The following LHFPL2 variants were observed in gnomAD, a reference collection of about 807,000 sequenced individuals.
LHFPL2 encodes the protein LHFPL tetraspan subfamily member 2 protein.
A neutral mutation model predicts 17.5 loss-of-function variants in LHFPL2; 7 were observed. The ratio of observed to expected loss-of-function variants is 0.40; its 90% CI spans 0.23 to 0.75. The LOEUF is 0.75. Among genes scored for constraint, LHFPL2 ranks in the 30% least tolerant of loss-of-function variants. The pLI is 0.37. For synonymous variants in LHFPL2, 134 were observed against 116.2 expected (o/e 1.15, Z -0.99); for missense variants, 241 against 294.8 (o/e 0.82, Z 1.34).
At chr5:78,597,118 C>T (rs1743851429) in intron 2 of LHFPL2, among the ~76,000 whole-genome samples, 1 of 152,170 alleles carries the variant, frequency 6.6e-6, no homozygotes, top group African/African-American at 2.4e-5. Flanking sequence ...TGATCAGCAC[C>T]ACCCTAGGAG....
intron 2 of LHFPL2, among the ~76,000 whole-genome samples, chr5:78,591,871 C>T (rs1278114177): frequency 6.6e-6 from 1 of 152,146 alleles, no homozygotes; most frequent in Admixed American, 6.6e-5. Context: ...AAATAAAGGG[C>T]AGCACATATA....
chr5:78,513,403 C>A (rs980031728), intron 3 of LHFPL2, among the ~76,000 whole-genome samples: 1 of 152,160 alleles, frequency 6.6e-6, no homozygotes, highest in Non-Finnish European at 1.5e-5. Context: ...CACACCCATA[C>A]AAGATTGGCT....
Position 78,648,237 on chromosome 5 carries a change from A to G in LHFPL2, c.-350+262T>C, listed in dbSNP as rs2112537824. On this transcript the variant is annotated intron_variant, in intron 1 of 4. Transcript: ENST00000380345. The surrounding 1 kb of genome is among the most constrained non-coding windows in gnomAD (Gnocchi z 5.4). ...GCTGTTCCCGGCACAACTTTTTTCC[A>G]CTTCTGCGGCCGCCGGCGGCGCTGA... 6.6e-6 allele frequency among the ~76,000 whole-genome samples: 1 copy of G among 151,798 alleles called. No individual in the cohort carries two copies. The highest frequency in any genetic ancestry group is 2.4e-5 in the African/African-American group (1 of 41,408).
intron 3 of LHFPL2, among the ~76,000 whole-genome samples, chr5:78,537,311 A>C (rs1755978640): frequency 6.6e-6 from 1 of 152,084 alleles, no homozygotes; most frequent in Non-Finnish European, 1.5e-5. Flanking sequence ...GCCTCCCTTG[A>C]CCTGCCAAGG....
At chr5:78,643,015 G>C (rs73769042) in intron 1 of LHFPL2, among the ~76,000 whole-genome samples, 5,451 of 151,978 alleles carry the variant, frequency 0.036, 296 homozygotes, top group African/African-American at 0.12. Flanking sequence ...CCATGGAGCT[G>C]TTTCTAAAGT....
chr5:78,562,405 T>C lies in LHFPL2; in HGVS notation c.-186+2408A>G, dbSNP rs145011763. Among the ~76,000 whole-genome samples the C allele has an allele frequency of 4.1e-3, 616 of 152,022 alleles. 4 individuals carry two copies. Among genetic ancestry groups the C allele is most frequent in the African/African-American group, 0.014 (594 of 41,496 alleles). Reference sequence around the variant, plus strand: ...TGCTCAAAACAAACCTTCCACCAAGTTCATATAATGCGACTGACTACATAA... The same window carrying C: ...TGCTCAAAACAAACCTTCCACCAAGCTCATATAATGCGACTGACTACATAA... On this transcript the variant is annotated intron_variant, in intron 3 of 4. Coordinates refer to ENST00000380345, the MANE Select transcript of LHFPL2 (RefSeq NM_005779.3).
At chr5:78,585,483 ACCCACTGACCTGCG>A (rs1216954448) in intron 2 of LHFPL2, among the ~76,000 whole-genome samples, 7 of 152,140 alleles carry the variant, frequency 4.6e-5, no homozygotes, top group Non-Finnish European at 8.8e-5. Flanking sequence ...CAGTGTGTGC[ACCCACTGACCTGCG>A]CCCACTGTCT....
intron 3 of LHFPL2, among the ~76,000 whole-genome samples, chr5:78,528,666 C>G (rs1240565938): frequency 2.6e-5 from 4 of 152,156 alleles, no homozygotes; most frequent in Non-Finnish European, 5.9e-5. Flanking sequence ...AGAGGCCCTA[C>G]CAAAGCAGCA....
intron 2 of LHFPL2, among the ~76,000 whole-genome samples, chr5:78,575,789 A>G (rs1208619330): frequency 6.6e-6 from 1 of 152,212 alleles, no homozygotes; most frequent in African/African-American, 2.4e-5. Context: ...AAGGGAAGAT[A>G]GTGTAATTTA....
chr5:78,554,627 C>G (rs554299963), intron 3 of LHFPL2, among the ~76,000 whole-genome samples: 1 of 152,350 alleles, frequency 6.6e-6, no homozygotes, highest in Admixed American at 6.5e-5. Flanking sequence ...TAAGGGAAGG[C>G]AGACCCAAGG....
chr5:78,556,196 T>C (rs568746314), intron 3 of LHFPL2, among the ~76,000 whole-genome samples: 1 of 152,348 alleles, frequency 6.6e-6, no homozygotes, highest in East Asian at 1.9e-4. Context: ...AGGACACTTT[T>C]GTGTGAGTTA....
chr5:78,499,258 C>T (rs900152509), intron 4 of LHFPL2, among the ~76,000 whole-genome samples: 1 of 152,182 alleles, frequency 6.6e-6, no homozygotes, highest in Non-Finnish European at 1.5e-5. Context: ...ATGATTAGAA[C>T]CCTTTAATAA....
rs1754345460 is a variant in LHFPL2 at position 78,488,978 on chromosome 5, A to G, written c.606T>C (p.Ser202=). The change falls in exon 5 of 5, where the codon TCT becomes TCC. Residue 202 remains serine (S), a synonymous_variant. Coordinates refer to ENST00000380345, the MANE Select transcript of LHFPL2 (RefSeq NM_005779.3). ...TVLTFICAVF[S]AQAEIATSSD... ...TAGAGGTTGCAATTTCTGCTTGTGC[A>G]GAGAAGACAGCACAGATGAAAGTGA... 1 of 1,614,168 alleles carries G rather than the reference A, an allele frequency of 6.2e-7. No homozygotes were observed. The highest frequency in any genetic ancestry group is 8.5e-7 in the Non-Finnish European group (1 of 1,180,002).
chr5:78,627,102 A>C (rs1198442860), intron 2 of LHFPL2, among the ~76,000 whole-genome samples: 1 of 151,968 alleles, frequency 6.6e-6, no homozygotes. Context: ...CAACAACAAA[A>C]AACAAATATA....
intron 2 of LHFPL2, among the ~76,000 whole-genome samples, chr5:78,565,273 A>G (rs1443599335): frequency 1.3e-5 from 2 of 152,210 alleles, no homozygotes; most frequent in Non-Finnish European, 2.9e-5. Context: ...GACTGAAAAA[A>G]CTATCCTAGC....
At chr5:78,498,838 T>C (rs1407696650) in intron 4 of LHFPL2, among the ~76,000 whole-genome samples, 3 of 152,228 alleles carry the variant, frequency 2.0e-5, no homozygotes, top group Non-Finnish European at 4.4e-5. Flanking sequence ...AAAACTATCC[T>C]GTAAAAAACA....
At chr5:78,647,483 C>T (rs1428121148) in intron 1 of LHFPL2, among the ~76,000 whole-genome samples, 1 of 152,214 alleles carries the variant, frequency 6.6e-6, no homozygotes, top group Non-Finnish European at 1.5e-5. Flanking sequence ...CGGAATCTTT[C>T]CTCCCTCGGC....
At chr5:78,490,352 T>A (rs1198459342) in intron 4 of LHFPL2, among the ~76,000 whole-genome samples, 3 of 152,120 alleles carry the variant, frequency 2.0e-5, no homozygotes, top group Non-Finnish European at 4.4e-5. Context: ...TGGCTGCCAG[T>A]CACATGACAG....
At chr5:78,519,037 CA>C (rs1479895345) in intron 3 of LHFPL2, among the ~76,000 whole-genome samples, 1 of 126,574 alleles carries the variant, frequency 7.9e-6, no homozygotes, top group East Asian at 2.5e-4. Flanking sequence ...GCAACGTGGA[CA>C]GGGGAAGTCT....
Sources: allele counts gnomAD v4.1 joint callset (sites outside exome capture counted in the v4.1 genomes callset), GRCh38; gene constraint gnomAD v4.1.1; non-coding constraint Gnocchi (gnomAD v3.1); transcripts MANE v1.5; gene names NCBI Gene and HGNC (gene_info 2026-07-23, HGNC 2026-07-21).